The following IGF2BP2 variants were observed in gnomAD, a reference collection of about 807,000 sequenced individuals.
IGF2BP2 encodes the protein insulin like growth factor 2 mRNA binding protein 2, also known as insulin-like growth factor 2 mRNA-binding protein 2.
Under a neutral mutation model 75.8 loss-of-function variants are expected in IGF2BP2, and 17 were observed. The observed-to-expected ratio is 0.22, with a 90% CI of 0.15 to 0.34. IGF2BP2 has a LOEUF of 0.34. Ranked by LOEUF, IGF2BP2 falls within the 10% of genes least tolerant of loss-of-function variation. The pLI is 1.00. For synonymous variants in IGF2BP2, 288 were observed against 295.6 expected, an observed-to-expected ratio of 0.97 and a Z score of 0.26; for missense variants, 516 against 772.4, an observed-to-expected ratio of 0.67 and a Z score of 3.93.
intron 2 of IGF2BP2, among the ~76,000 whole-genome samples, chr3:185,712,047 A>C (rs1483676714): frequency 2.6e-5 from 4 of 152,174 alleles, no homozygotes; most frequent in Non-Finnish European, 2.9e-5. Flanking sequence ...AACTAATTAG[A>C]AGGCATGACC....
intron 11 of IGF2BP2, among the ~76,000 whole-genome samples, chr3:185,657,961 T>C (rs557679191): frequency 1.2e-4 from 18 of 152,188 alleles, no homozygotes; most frequent in African/African-American, 3.4e-4. Context: ...CTGCCAGGGG[T>C]CCTTGCAAGT....
At chr3:185,691,338 T>A (rs1721929520) in intron 5 of IGF2BP2, among the ~76,000 whole-genome samples, 1 of 152,220 alleles carries the variant, frequency 6.6e-6, no homozygotes, top group Non-Finnish European at 1.5e-5. Context: ...CCTCAGGTGA[T>A]CTGCCCACCT....
At chr3:185,758,168 T>G (rs1222009093) in intron 2 of IGF2BP2, among the ~76,000 whole-genome samples, 1 of 152,214 alleles carries the variant, frequency 6.6e-6, no homozygotes, top group Non-Finnish European at 1.5e-5. Context: ...CATACGTTCA[T>G]GCAACAAAAC....
intron 6 of IGF2BP2, 116 bp downstream of exon 6, chr3:185,689,239 T>C: frequency 1.8e-6 from 2 of 1,095,666 alleles, no homozygotes; most frequent in Non-Finnish European, 2.6e-6. Context: ...CCACTGTCTC[T>C]TACAGCACAG....
intron 2 of IGF2BP2, among the ~76,000 whole-genome samples, chr3:185,725,406 C>T (rs1480589169): frequency 2.0e-5 from 3 of 152,090 alleles, no homozygotes; most frequent in Non-Finnish European, 2.9e-5. Flanking sequence ...AGCACTGATA[C>T]TATGTGATGC....
intron 2 of IGF2BP2, among the ~76,000 whole-genome samples, chr3:185,719,938 G>GC (rs1378973502): frequency 6.6e-6 from 1 of 152,148 alleles, no homozygotes; most frequent in Non-Finnish European, 1.5e-5. Context: ...AGAAAAGCAA[G>GC]CCACACTGAA....
intron 10 of IGF2BP2, 36 bp from the exon 11 acceptor site, chr3:185,658,445 T>G: frequency 6.3e-7 from 1 of 1,579,660 alleles, no homozygotes; most frequent in Non-Finnish European, 8.7e-7. Context: ...GGGCGGGTGC[T>G]CTCAGGGACT....
intron 2 of IGF2BP2, among the ~76,000 whole-genome samples, chr3:185,788,789 G>A (rs939525121): frequency 3.5e-5 from 5 of 141,216 alleles, no homozygotes; most frequent in South Asian, 4.4e-4. Context: ...ATCTCAGCTC[G>A]CTGCAGCCTC....
intron 2 of IGF2BP2, among the ~76,000 whole-genome samples, chr3:185,721,185 CTTT>C (rs895896401): frequency 3.3e-5 from 5 of 151,884 alleles, no homozygotes; most frequent in Admixed American, 1.3e-4. Flanking sequence ...TCTTCTTCTT[CTTT>C]TTTTGTTTTT....
At chr3:185,757,157 A>G (rs1578206122) in intron 2 of IGF2BP2, among the ~76,000 whole-genome samples, 2 of 152,170 alleles carry the variant, frequency 1.3e-5, no homozygotes, top group African/African-American at 4.8e-5. Context: ...TGCACTTTGA[A>G]TCACCTTCCA....
chr3:185,796,568 A>C (rs1333301740), intron 2 of IGF2BP2, among the ~76,000 whole-genome samples: 5 of 58,658 alleles, frequency 8.5e-5, no homozygotes, highest in African/African-American at 5.1e-4. Context: ...CCGTCTCAAA[A>C]AAAAAAAAAA....
At chr3:185,766,596 A>T (rs1733104086) in intron 2 of IGF2BP2, among the ~76,000 whole-genome samples, 1 of 152,256 alleles carries the variant, frequency 6.6e-6, no homozygotes, top group Non-Finnish European at 1.5e-5. Context: ...TAGGTACTAA[A>T]GGGATAGTAT....
intron 4 of IGF2BP2, among the ~76,000 whole-genome samples, chr3:185,695,088 A>G (rs184326886): frequency 6.6e-6 from 1 of 150,998 alleles, no homozygotes; most frequent in African/African-American, 2.4e-5. Context: ...CTCCGCCTCA[A>G]AAAAAAAAGC....
intron 2 of IGF2BP2, among the ~76,000 whole-genome samples, chr3:185,775,642 A>G (rs1457166300): frequency 6.6e-6 from 1 of 152,146 alleles, no homozygotes; most frequent in Non-Finnish European, 1.5e-5. Flanking sequence ...AAAACATAAG[A>G]CTAATAAGCT....
At chr3:185,739,941 G>T (rs1168483947) in intron 2 of IGF2BP2, among the ~76,000 whole-genome samples, 1 of 140,358 alleles carries the variant, frequency 7.1e-6, no homozygotes, top group Non-Finnish European at 1.5e-5. Flanking sequence ...CTGCAGCCCT[G>T]ACTTCCCAAG....
At chr3:185,804,324 C>T (rs1196330745) in intron 2 of IGF2BP2, among the ~76,000 whole-genome samples, 2 of 149,302 alleles carry the variant, frequency 1.3e-5, no homozygotes, top group African/African-American at 4.9e-5. Flanking sequence ...CCCAGCTACT[C>T]GGGAGGCTGA....
chr3:185,821,960 T>G (rs1033172245), intron 2 of IGF2BP2, among the ~76,000 whole-genome samples: 11 of 152,072 alleles, frequency 7.2e-5, no homozygotes, highest in Non-Finnish European at 1.3e-4. Context: ...ACTAGCTTAA[T>G]ATTACACATG....
chr3:185,818,894 T>C (rs565993108), intron 2 of IGF2BP2, among the ~76,000 whole-genome samples: 2 of 152,168 alleles, frequency 1.3e-5, no homozygotes, highest in Admixed American at 1.3e-4. Flanking sequence ...TGGAGCAACC[T>C]CCACACATTA....
At chr3:185,823,854 T>TGC (rs1045261556) in intron 1 of IGF2BP2, among the ~76,000 whole-genome samples, 18 of 149,364 alleles carry the variant, frequency 1.2e-4, no homozygotes, top group African/African-American at 3.2e-4. Flanking sequence ...AGTTGGGGAG[T>TGC]GCGCGCGCGC....
Sources: allele counts gnomAD v4.1 joint callset (sites outside exome capture counted in the v4.1 genomes callset), GRCh38; gene constraint gnomAD v4.1.1; transcripts MANE v1.5; gene names NCBI Gene and HGNC (gene_info 2026-07-23, HGNC 2026-07-21).